The following TMEM267 variants were observed in gnomAD, a reference collection of about 807,000 sequenced individuals.
TMEM267 encodes the protein transmembrane protein 267, also known as transmembrane protein C5orf28.
TMEM267 carries 20 observed loss-of-function variants against 19.3 expected under a neutral mutation model. The ratio of observed to expected loss-of-function variants is 1.04; its 90% confidence interval spans 0.73 to 1.51. TMEM267 has a LOEUF of 1.51. Among genes scored for constraint, TMEM267 ranks in the 40% most tolerant of loss-of-function variants. TMEM267 has a pLI of 0.00. For missense variants in TMEM267, 242 were observed against 261.9 expected, an observed-to-expected ratio of 0.92 and a Z score of 0.52; for synonymous variants, 88 against 90.3, an observed-to-expected ratio of 0.97 and a Z score of 0.15.
intron 1 of TMEM267, among the ~76,000 whole-genome samples, chr5:43,459,789 G>A (rs1265855369): frequency 6.6e-6 from 1 of 152,126 alleles, no homozygotes; most frequent in African/African-American, 2.4e-5. Flanking sequence ...ATGCTATGAA[G>A]CAGTGGTCCC....
At chr5:43,460,226 C>G (rs1462180223) in intron 1 of TMEM267, among the ~76,000 whole-genome samples, 1 of 152,134 alleles carries the variant, frequency 6.6e-6, no homozygotes, top group Non-Finnish European at 1.5e-5. Context: ...CACTTGCTAG[C>G]CTGCCGTTCA....
At chr5:43,457,119 G>T (rs1048821327) in intron 1 of TMEM267, among the ~76,000 whole-genome samples, 14 of 152,132 alleles carry the variant, frequency 9.2e-5, no homozygotes, top group African/African-American at 3.4e-4. Context: ...AAATTACACA[G>T]TTAAAACCCA....
At chr5:43,481,282 T>C (rs1165467691) in intron 1 of TMEM267, among the ~76,000 whole-genome samples, 1 of 151,768 alleles carries the variant, frequency 6.6e-6, no homozygotes, top group Non-Finnish European at 1.5e-5. Flanking sequence ...TAAAGTGTTT[T>C]GTAGAGATGG....
rs1184115251 is a variant in TMEM267, at chr5:43,453,661, T to G, written c.309A>C (p.Leu103Phe). The G allele has an allele frequency of 6.2e-7, 1 of 1,612,698 alleles. No individual in the cohort carries two copies. Among genetic ancestry groups the G allele is most frequent in the Admixed American group, 1.7e-5 (1 of 59,710 alleles). ...DHFFLAGSMS[L>F]KAALTLPRRP... ...AAATTAAGCCTATGCTTTTTACCTT[T>G]AAAGACATGGATCCAGCTAGAAAAA... Residue 103 changes from leucine (L) to phenylalanine (F), a missense_variant, in exon 2 of 3, where the codon TTA (leucine) becomes TTC (phenylalanine). Transcript: ENST00000397080.
intron 2 of TMEM267, among the ~76,000 whole-genome samples, chr5:43,452,077 CAAAAAA>C (rs375224453): frequency 1.2e-5 from 1 of 86,550 alleles, no homozygotes; most frequent in East Asian, 4.2e-4. Flanking sequence ...GACCCTATCT[CAAAAAA>C]AAAAAAAAAA....
rs1372577796 is a variant in TMEM267 at position 43,451,370 on chromosome 5, C to A, written c.312+2288G>T. Among the ~76,000 whole-genome samples the A allele has an allele frequency of 2.0e-5, 3 of 152,094 alleles. No individual in the cohort carries two copies. The East Asian group carries it at 5.8e-4, about 29-fold the overall frequency. On this transcript the variant is annotated intron_variant, in intron 2 of 2. Transcript: ENST00000397080. ...GGTTCATTTGAAAAAGGGCTCATAT[C>A]CAGAATCTACAAGGAACTCAAACAA... is the stretch of plus-strand genomic sequence containing the variant.
intron 1 of TMEM267, among the ~76,000 whole-genome samples, chr5:43,471,729 T>A (rs1292987876): frequency 6.6e-6 from 1 of 152,170 alleles, no homozygotes; most frequent in African/African-American, 2.4e-5. Flanking sequence ...ATGGGAAAAC[T>A]AGATATCTAT....
intron 2 of TMEM267, among the ~76,000 whole-genome samples, chr5:43,449,986 C>CGTATTTTTTTTT (rs1742482523): frequency 6.7e-6 from 1 of 150,306 alleles, no homozygotes; most frequent in African/African-American, 2.4e-5. Flanking sequence ...ATCAATGTAG[C>CGTATTTTTTTTT]GTTTTTTTTT....
intron 1 of TMEM267, among the ~76,000 whole-genome samples, chr5:43,459,505 T>C (rs1395788094): frequency 6.6e-6 from 1 of 151,992 alleles, no homozygotes; most frequent in East Asian, 1.9e-4. Context: ...GTCTTCACAA[T>C]ATAGAAAATA....
intron 1 of TMEM267, among the ~76,000 whole-genome samples, chr5:43,468,551 T>A (rs1365222130): frequency 1.3e-5 from 2 of 152,168 alleles, no homozygotes; most frequent in African/African-American, 4.8e-5. Flanking sequence ...GTCTTATGTC[T>A]CCCTAAAATG....
chr5:43,463,848 A>T (rs1743434590), intron 1 of TMEM267, among the ~76,000 whole-genome samples: 1 of 152,218 alleles, frequency 6.6e-6, no homozygotes, highest in Non-Finnish European at 1.5e-5. Context: ...AGCCAATATC[A>T]TACGGAATGG....
At chr5:43,469,971 C>T (rs1246882643) in intron 1 of TMEM267, among the ~76,000 whole-genome samples, 1 of 152,092 alleles carries the variant, frequency 6.6e-6, no homozygotes, top group Non-Finnish European at 1.5e-5. Flanking sequence ...CTTCCTTTGC[C>T]CTATTTATGT....
chr5:43,473,624 T>A (rs1744219495), intron 1 of TMEM267, among the ~76,000 whole-genome samples: 1 of 151,908 alleles, frequency 6.6e-6, no homozygotes, highest in Admixed American at 6.6e-5. Flanking sequence ...CACAAACAAA[T>A]GGAAAAACAT....
At chr5:43,472,017 G>GA (rs1362400942) in intron 1 of TMEM267, among the ~76,000 whole-genome samples, 1 of 151,812 alleles carries the variant, frequency 6.6e-6, no homozygotes, top group Non-Finnish European at 1.5e-5. Flanking sequence ...CAGAGAACGG[G>GA]AAAAAATATT....
chr5:43,465,532 C>T (rs745951468), intron 1 of TMEM267, among the ~76,000 whole-genome samples: 28 of 152,120 alleles, frequency 1.8e-4, no homozygotes, highest in Non-Finnish European at 3.5e-4. Context: ...GCACTATTCA[C>T]AATAGCAAAG....
intron 1 of TMEM267, among the ~76,000 whole-genome samples, chr5:43,469,482 T>C (rs1743936029): frequency 6.6e-6 from 1 of 152,126 alleles, no homozygotes; most frequent in Non-Finnish European, 1.5e-5. Flanking sequence ...GTGTGATACA[T>C]CATATCAACA....
In TMEM267 at chr5:43,483,842, T is replaced by C. The variant is rs1026680439; in HGVS notation, c.-95A>G. On this transcript the variant is annotated 5_prime_UTR_variant, in exon 1 of 3. Transcript: ENST00000397080. ...CCCACCCCGGCTTCTCTGAGTTCAA[T>C]CCAGCAGCAGCTCGAGCAGCGGCTC... 6.6e-6 allele frequency: 1 copy of C among 152,244 alleles called. No individual in the cohort carries two copies. The highest frequency in any genetic ancestry group is 2.4e-5 in the African/African-American group (1 of 41,420). The allele number at this position is 152,244 out of a possible 1,614,324, so 9.4% of individuals were successfully genotyped here.
At chr5:43,472,693 G>A (rs1413077948) in intron 1 of TMEM267, among the ~76,000 whole-genome samples, 1 of 151,918 alleles carries the variant, frequency 6.6e-6, no homozygotes, top group East Asian at 1.9e-4. Context: ...GCCAGACACA[G>A]AAACACAAAT....
At chr5:43,463,009 T>C (rs2112108254) in intron 1 of TMEM267, among the ~76,000 whole-genome samples, 1 of 152,218 alleles carries the variant, frequency 6.6e-6, no homozygotes, top group East Asian at 1.9e-4. Context: ...AGCTGGTTTT[T>C]TGAAAAGACC....
Sources: gnomAD v4.1 joint callset for allele counts (sites outside exome capture counted in the v4.1 genomes callset) on GRCh38, gnomAD v4.1.1 for gene constraint, MANE v1.5 for transcripts, NCBI Gene and HGNC (gene_info 2026-07-23, HGNC 2026-07-21) for gene names.